The following HERC3 variants were observed in gnomAD, a reference collection of about 807,000 sequenced individuals.
HERC3 encodes the protein probable E3 ubiquitin-protein ligase HERC3.
Under a neutral mutation model 129.9 loss-of-function variants are expected in HERC3, and 58 were observed. The ratio of observed to expected loss-of-function variants is 0.45; its 90% CI spans 0.36 to 0.56. The LOEUF is 0.56. HERC3 is among the 20% of genes least tolerant of loss of function. The pLI, the probability that HERC3 is intolerant of heterozygous loss-of-function variation, is 0.00. For synonymous variants in HERC3, 430 were observed against 451.0 expected, an observed-to-expected ratio of 0.95 and a Z score of 0.59; for missense variants, 835 against 1,244.2, an observed-to-expected ratio of 0.67 and a Z score of 4.95.
At chr4:88,571,214 G>T in the HERC3 span, among the ~76,000 whole-genome samples, 1 of 152,190 alleles carries the variant, frequency 6.6e-6, no homozygotes, top group Non-Finnish European at 1.5e-5. Context: ...GACTACAGGT[G>T]TATGTGCCAA....
chr4:88,569,984 C>T, the HERC3 span, among the ~76,000 whole-genome samples: 2 of 152,220 alleles, frequency 1.3e-5, no homozygotes, highest in Admixed American at 6.5e-5. Context: ...GCAGTGCCCA[C>T]TTCCTCTTAT....
the HERC3 span, among the ~76,000 whole-genome samples, chr4:88,549,904 A>G: frequency 6.6e-6 from 1 of 152,196 alleles, no homozygotes; most frequent in Non-Finnish European, 1.5e-5. Flanking sequence ...GGATGTGACC[A>G]ATCATATGGC....
the HERC3 span, among the ~76,000 whole-genome samples, chr4:88,563,625 A>G: frequency 6.6e-6 from 1 of 151,552 alleles, no homozygotes; most frequent in Admixed American, 6.6e-5. Context: ...GGTCTGTTGT[A>G]TATGAATTTT....
At chr4:88,705,585 A>T (rs1440662869) in intron 25 of HERC3, among the ~76,000 whole-genome samples, 1 of 152,226 alleles carries the variant, frequency 6.6e-6, no homozygotes, top group Non-Finnish European at 1.5e-5. Context: ...GGCTGGCTGA[A>T]TGACATTTGA....
At chr4:88,594,102 G>A (rs1330648098) in intron 1 of HERC3, among the ~76,000 whole-genome samples, 1 of 152,198 alleles carries the variant, frequency 6.6e-6, no homozygotes, top group Non-Finnish European at 1.5e-5. Flanking sequence ...TAGCACATTA[G>A]CACTAGCATC....
chr4:88,607,063 C>T (rs1263679711), intron 3 of HERC3, among the ~76,000 whole-genome samples: 1 of 152,052 alleles, frequency 6.6e-6, no homozygotes, highest in Non-Finnish European at 1.5e-5. Context: ...CTGCAGTGAT[C>T]CTTATGGCAA....
intron 16 of HERC3, among the ~76,000 whole-genome samples, chr4:88,670,730 T>TAA (rs1214989456): frequency 5.3e-5 from 8 of 152,118 alleles, no homozygotes; most frequent in Admixed American, 1.3e-4. Flanking sequence ...AAACCATAAT[T>TAA]AAAAAAACAA....
rs558408979 is a variant in HERC3 at position 88,664,002 on chromosome 4, T to A, written c.1272-151T>A. ...TTTGAGATGTGACATCCTGTTTTTC[T>A]AAAGCAAATGTACATTTTCCAAAGC... On this transcript the variant is annotated intron_variant, in intron 11 of 25. Transcript: ENST00000402738. The A allele has an allele frequency of 2.2e-4, 119 of 539,010 alleles. 1 individual carries two copies. The South Asian group carries it at 4.6e-3, about 21-fold the overall frequency. The allele number at this position is 539,010 out of a possible 1,614,324, so 33.4% of individuals were successfully genotyped here. A position where few individuals can be genotyped will look rare whatever the true frequency, so the allele number is the denominator to read the frequency against.
At chr4:88,684,798 A>G (rs531521400) in intron 21 of HERC3, 23 of 152,450 alleles carry the variant, frequency 1.5e-4, no homozygotes, top group African/African-American at 5.3e-4. Context: ...CCCATCAAAA[A>G]GTGGGCAAAG....
chr4:88,686,885 A>G (rs1578320019), intron 22 of HERC3, 83 bp downstream of exon 22: 2 of 1,050,546 alleles, frequency 1.9e-6, no homozygotes, highest in East Asian at 4.8e-5. Flanking sequence ...GTTCTTCTTC[A>G]AATCATAGAA....
At chr4:88,588,157 GCAAA>G (rs1721578147), upstream of HERC3, among the ~76,000 whole-genome samples, 1 of 152,196 alleles carries the variant, frequency 6.6e-6, no homozygotes, top group African/African-American at 2.4e-5. Context: ...AGAAAAAAAT[GCAAA>G]CAAACCATGA....
In HERC3 at chr4:88,690,193, C is replaced by T; in HGVS notation, c.2657+2894C>T. 5.1e-6 allele frequency: 5 copies of T among 981,966 alleles called. No individual in the cohort carries two copies. In the South Asian group the frequency reaches 1.9e-4, roughly 37 times the overall value. The allele number at this position is 981,966 out of a possible 1,614,324, so 60.8% of individuals were successfully genotyped here. A position where few individuals can be genotyped will look rare whatever the true frequency, so the allele number is the denominator to read the frequency against. On this transcript the variant is annotated intron_variant, in intron 23 of 25. Transcript: ENST00000402738. ...GCTAAAAGCAGTTTCCTTTATATAA[C>T]ATTGGTACTTTTGTTAACAGTAAAT...
chr4:88,686,862 A>G, intron 22 of HERC3, 60 bp downstream of exon 22: 1 of 1,157,270 alleles, frequency 8.6e-7, no homozygotes. Flanking sequence ...CTTTAGAGTG[A>G]TATTTAACAT....
the HERC3 span, among the ~76,000 whole-genome samples, chr4:88,548,002 T>C: frequency 6.6e-6 from 1 of 152,232 alleles, no homozygotes; most frequent in African/African-American, 2.4e-5. Flanking sequence ...TTAGCATGTA[T>C]CAGTACTTCA....
the HERC3 span, among the ~76,000 whole-genome samples, chr4:88,539,683 A>G: frequency 6.6e-6 from 1 of 152,168 alleles, no homozygotes; most frequent in African/African-American, 2.4e-5. Context: ...CACCTCATAC[A>G]GGCAGGTGAC....
chr4:88,601,879 AC>A (rs1331173641), intron 2 of HERC3, among the ~76,000 whole-genome samples: 2 of 122,716 alleles, frequency 1.6e-5, no homozygotes, highest in East Asian at 2.4e-4. Context: ...AAACGGTGAA[AC>A]CCCGTCTCTA....
At chr4:88,650,109 A>G (rs2860420) in intron 4 of HERC3, 110 bp downstream of exon 4, 328,056 of 1,109,736 alleles carry the variant, frequency 0.3, 55,429 homozygotes, top group African/African-American at 0.61. Context: ...TTTCCTTTGC[A>G]CCACTCCTGT....
chr4:88,698,747 C>T (rs1734952799), intron 23 of HERC3, among the ~76,000 whole-genome samples: 1 of 151,482 alleles, frequency 6.6e-6, no homozygotes, highest in Non-Finnish European at 1.5e-5. Context: ...CATCTTCTCC[C>T]TCCCTCCTGC....
chr4:88,574,639 CT>C, the HERC3 span, among the ~76,000 whole-genome samples: 2 of 152,288 alleles, frequency 1.3e-5, no homozygotes, highest in Admixed American at 6.5e-5. Context: ...AACTTGACTG[CT>C]TTAGGTACGT....
Sources: gnomAD v4.1 joint callset for allele counts (sites outside exome capture counted in the v4.1 genomes callset) on GRCh38, gnomAD v4.1.1 for gene constraint, MANE v1.5 for transcripts, NCBI Gene and HGNC (gene_info 2026-07-23, HGNC 2026-07-21) for gene names.